The following FRY variants were observed in gnomAD, a reference collection of about 807,000 sequenced individuals.
FRY encodes the protein FRY microtubule binding protein.
FRY carries 128 observed loss-of-function variants against 348.4 expected under a neutral mutation model. The observed-to-expected ratio is 0.37, with a 90% CI of 0.32 to 0.43. The LOEUF (loss-of-function observed/expected upper bound fraction) is 0.43. FRY is among the 20% of genes least tolerant of loss of function. FRY has a pLI of 1.00. For synonymous variants in FRY, 1,370 were observed against 1,374.7 expected, an observed-to-expected ratio of 1.00 and a Z score of 0.08; for missense variants, 2,736 against 3,695.2, an observed-to-expected ratio of 0.74 and a Z score of 6.73.
At chr13:32,200,740 A>G (rs1199812105) in intron 29 of FRY, among the ~76,000 whole-genome samples, 4 of 152,202 alleles carry the variant, frequency 2.6e-5, no homozygotes, top group Admixed American at 6.5e-5. Flanking sequence ...TAATCTCTCT[A>G]TTCTATATGG....
chr13:32,117,042 T>G (rs1878344439), intron 3 of FRY, among the ~76,000 whole-genome samples: 1 of 152,166 alleles, frequency 6.6e-6, no homozygotes, highest in Non-Finnish European at 1.5e-5. Flanking sequence ...GAACATAATA[T>G]CTTTGCAGTT....
chr13:32,265,315 G>A (rs1176342442), intron 53 of FRY, 135 bp from the exon 54 acceptor site: 3 of 816,390 alleles, frequency 3.7e-6, no homozygotes, highest in Non-Finnish European at 6.2e-6. Context: ...GGACTATACT[G>A]TAGCTAGAAA....
intron 35 of FRY, among the ~76,000 whole-genome samples, chr13:32,215,574 G>A (rs931512827): frequency 6.6e-6 from 1 of 152,140 alleles, no homozygotes; most frequent in African/African-American, 2.4e-5. Context: ...ATCTTCATAA[G>A]TTTTTGTTTT....
chr13:32,129,494 A>G (rs1200183654), intron 7 of FRY, among the ~76,000 whole-genome samples: 1 of 152,228 alleles, frequency 6.6e-6, no homozygotes, highest in Non-Finnish European at 1.5e-5. Flanking sequence ...TATAAAGTAA[A>G]CACAGCTAAT....
intron 1 of FRY, among the ~76,000 whole-genome samples, chr13:32,034,935 T>C (rs769999400): frequency 7.9e-5 from 12 of 152,332 alleles, no homozygotes; most frequent in South Asian, 2.1e-4. Flanking sequence ...CAAATGGGCT[T>C]CAGATCTCTT....
intron 7 of FRY, among the ~76,000 whole-genome samples, chr13:32,127,742 A>G (rs149500913): frequency 0.013 from 1,978 of 152,164 alleles, 47 homozygotes; most frequent in African/African-American, 0.044. Flanking sequence ...TCGTGCCACT[A>G]CACTCCAGCC....
intron 47 of FRY, among the ~76,000 whole-genome samples, chr13:32,246,153 G>A (rs918715286): frequency 9.9e-5 from 15 of 152,108 alleles, no homozygotes; most frequent in African/African-American, 3.6e-4. Context: ...TTAGGCCTGC[G>A]GGCGACGTCT....
intron 50 of FRY, 51 bp from the exon 51 acceptor site, chr13:32,254,173 C>A (rs745401596): frequency 6.3e-7 from 1 of 1,594,528 alleles, no homozygotes; most frequent in Non-Finnish European, 8.6e-7. Context: ...TTTCGTAGCA[C>A]AAACAACCAA....
intron 1 of FRY, among the ~76,000 whole-genome samples, chr13:32,041,940 CT>C (rs929408833): frequency 2.0e-5 from 3 of 152,134 alleles, no homozygotes; most frequent in African/African-American, 7.2e-5. Flanking sequence ...TTGTTCTCAA[CT>C]AACAATTTAA....
chr13:32,076,930 G>A (rs574662044), intron 1 of FRY, among the ~76,000 whole-genome samples: 1 of 152,266 alleles, frequency 6.6e-6, no homozygotes, highest in African/African-American at 2.4e-5. Context: ...GGATATACAC[G>A]ACAAAGCAAA....
rs537427980 is a variant in FRY at position 32,266,598 on chromosome 13, AG to A, written c.7947-571del. Among the ~76,000 whole-genome samples the A allele has an allele frequency of 4.4e-3, 666 of 152,366 alleles. 3 individuals carry two copies. The highest frequency in any genetic ancestry group is 7.0e-3 in the Non-Finnish European group (479 of 68,032). Reference sequence around the variant, plus strand: ...GTGAGAGGCATTGCTGAAGGCTAAAAGAAGTACCAAGTCTATAGAAAGGGAA... The same window carrying A: ...GTGAGAGGCATTGCTGAAGGCTAAAAAAGTACCAAGTCTATAGAAAGGGAA... On this transcript the variant is annotated intron_variant, in intron 54 of 60. Transcript: ENST00000542859.
At chr13:32,269,567 C>T (rs1888105815) in intron 55 of FRY, among the ~76,000 whole-genome samples, 1 of 152,114 alleles carries the variant, frequency 6.6e-6, no homozygotes, top group Non-Finnish European at 1.5e-5. Context: ...GGGCACATAC[C>T]TGTAATCCCA....
At chr13:32,160,721 C>T (rs1181341322) in intron 16 of FRY, among the ~76,000 whole-genome samples, 1 of 150,820 alleles carries the variant, frequency 6.6e-6, no homozygotes, top group Admixed American at 6.6e-5. Context: ...CATAACTCAT[C>T]AGGGAGAGAA....
intron 1 of FRY, among the ~76,000 whole-genome samples, chr13:32,045,700 A>G (rs1033572877): frequency 2.0e-5 from 3 of 152,228 alleles, no homozygotes; most frequent in Non-Finnish European, 4.4e-5. Context: ...CCTGTAGCCT[A>G]TAATCTAAAT....
At chr13:32,138,243 AT>A (rs1566091533) in intron 11 of FRY, among the ~76,000 whole-genome samples, 1 of 151,758 alleles carries the variant, frequency 6.6e-6, no homozygotes, top group East Asian at 1.9e-4. Context: ...AGTTCATTAA[AT>A]TTTTTTTCTA....
chr13:32,171,447 A>G (rs1184681283), intron 18 of FRY, among the ~76,000 whole-genome samples, 177 bp downstream of exon 18: 1 of 148,130 alleles, frequency 6.8e-6, no homozygotes. Context: ...AGTAGCTGGG[A>G]TTACAGGTGC....
At chr13:32,102,514 G>A (rs1877231075) in intron 3 of FRY, among the ~76,000 whole-genome samples, 7 of 152,184 alleles carry the variant, frequency 4.6e-5, no homozygotes, top group Admixed American at 4.6e-4. Context: ...AGAGTCTTGT[G>A]AGAAAGATAC....
intron 40 of FRY, among the ~76,000 whole-genome samples, chr13:32,230,446 T>C (rs953794984): frequency 1.3e-5 from 2 of 152,210 alleles, no homozygotes; most frequent in Non-Finnish European, 2.9e-5. Flanking sequence ...ATATATAGTT[T>C]GCTAAGGTGA....
chr13:32,224,878 C>T, intron 37 of FRY, 55 bp from the exon 38 acceptor site: 1 of 982,866 alleles, frequency 1.0e-6, no homozygotes, highest in Non-Finnish European at 1.7e-6. Context: ...TAATGATCTA[C>T]TAGTATTTCC....
Sources: gnomAD v4.1 joint callset for allele counts (sites outside exome capture counted in the v4.1 genomes callset) on GRCh38, gnomAD v4.1.1 for gene constraint, MANE v1.5 for transcripts, NCBI Gene and HGNC (gene_info 2026-07-23, HGNC 2026-07-21) for gene names.